The following RCAN2 variants were observed in gnomAD, a reference collection of about 807,000 sequenced individuals.
The protein encoded by RCAN2 is calcipressin-2.
Under a neutral mutation model 23.6 loss-of-function variants are expected in RCAN2, and 9 were observed. That is an observed-to-expected ratio of 0.38 (90% CI 0.23 to 0.67). RCAN2 has a LOEUF of 0.67. Ranked by LOEUF, RCAN2 falls within the 30% of genes least tolerant of loss-of-function variation. RCAN2 has a pLI of 0.51. For synonymous variants in RCAN2, 109 were observed against 115.7 expected, an observed-to-expected ratio of 0.94 and a Z score of 0.37; for missense variants, 273 against 302.3, an observed-to-expected ratio of 0.90 and a Z score of 0.72.
intron 2 of RCAN2, among the ~76,000 whole-genome samples, chr6:46,411,671 AAG>A (rs1243543748): frequency 1.3e-5 from 2 of 152,160 alleles, no homozygotes; most frequent in African/African-American, 2.4e-5. Flanking sequence ...GAACGAAAAA[AAG>A]AGAAATGTGA....
At chr6:46,337,842 G>T (rs552779326) in intron 2 of RCAN2, among the ~76,000 whole-genome samples, 4 of 152,152 alleles carry the variant, frequency 2.6e-5, no homozygotes, top group Non-Finnish European at 5.9e-5. Context: ...CCACAACAGG[G>T]ACACTTGGGT....
rs534067095 is a variant in RCAN2, at chr6:46,452,393, C to T, written c.225+4359G>A. The stretch of plus-strand genomic sequence containing the variant: ...CAAAAGTTCTTGTTTGTTTGTTTTT[C>T]TTGTTGCATTACATGTTCATGATAG... On this transcript the variant is annotated intron_variant, in intron 2 of 4. Transcript: ENST00000371374. Among the ~76,000 whole-genome samples the T allele has an allele frequency of 7.9e-5, 12 of 152,300 alleles. No individual in the cohort carries two copies. In the South Asian group the frequency reaches 1.4e-3, roughly 18 times the overall value.
At chr6:46,294,411 A>G (rs1004122302) in intron 2 of RCAN2, among the ~76,000 whole-genome samples, 9 of 152,148 alleles carry the variant, frequency 5.9e-5, no homozygotes, top group Admixed American at 5.2e-4. Flanking sequence ...AAAGTATATC[A>G]AAAAATTCAA....
chr6:46,475,916 C>G (rs2150444263), intron 1 of RCAN2, among the ~76,000 whole-genome samples: 1 of 152,306 alleles, frequency 6.6e-6, no homozygotes, highest in South Asian at 2.1e-4. Context: ...TCTTCTTTCT[C>G]TTTTCCAGTG....
chr6:46,317,488 G>GTC (rs1051722322), intron 2 of RCAN2, among the ~76,000 whole-genome samples: 7 of 152,106 alleles, frequency 4.6e-5, no homozygotes, highest in Admixed American at 1.3e-4. Flanking sequence ...TTGAGATGGA[G>GTC]TCTCTCTCTG....
At position 46,221,606 on chromosome 6, in the gene RCAN2, ACTTTAATTT is replaced by A. The variant is rs1350707173; in HGVS notation, c.*1526_*1534del. 7.9e-6 allele frequency: 2 copies of A among 252,698 alleles called. No homozygotes were observed. Among genetic ancestry groups the A allele is most frequent in the Non-Finnish European group, 1.5e-5 (2 of 134,050 alleles). 15.7% of individuals were successfully genotyped at this position (252,698 alleles called of 1,614,324 possible). A position where few individuals can be genotyped will look rare whatever the true frequency, so the allele number is the denominator to read the frequency against. ...TATTGCTATATTCACAGTAAAACGG[ACTTTAATTT>A]CTGAGTGATCAGTCTATGTTTTAAG... On this transcript the variant is annotated 3_prime_UTR_variant, in exon 5 of 5. Transcript: ENST00000371374.
At chr6:46,289,127 G>C (rs1368657224) in intron 2 of RCAN2, among the ~76,000 whole-genome samples, 1 of 152,200 alleles carries the variant, frequency 6.6e-6, no homozygotes, top group Non-Finnish European at 1.5e-5. Flanking sequence ...GTTTAACAGG[G>C]AGCACAGGGC....
At chr6:46,371,618 G>A (rs1030434512) in intron 2 of RCAN2, among the ~76,000 whole-genome samples, 5 of 152,254 alleles carry the variant, frequency 3.3e-5, no homozygotes, top group African/African-American at 1.2e-4. Context: ...GTTTGAACAT[G>A]TAGACTGTTT....
chr6:46,374,111 C>G (rs1191501000), intron 2 of RCAN2, among the ~76,000 whole-genome samples: 1 of 152,222 alleles, frequency 6.6e-6, no homozygotes, highest in Non-Finnish European at 1.5e-5. Context: ...ATCTTGATTT[C>G]TCCATGGTAT....
At chr6:46,452,101 A>G (rs538035512) in intron 2 of RCAN2, among the ~76,000 whole-genome samples, 2 of 152,294 alleles carry the variant, frequency 1.3e-5, no homozygotes, top group Admixed American at 1.3e-4. Context: ...TTTACCATTG[A>G]ATCCCCAGAA....
intron 2 of RCAN2, among the ~76,000 whole-genome samples, chr6:46,285,748 A>G (rs1338836990): frequency 6.6e-6 from 1 of 151,898 alleles, no homozygotes; most frequent in Non-Finnish European, 1.5e-5. Context: ...TTCTTGTCTA[A>G]TGTTACTGGA....
intron 2 of RCAN2, among the ~76,000 whole-genome samples, chr6:46,379,854 G>A (rs562701442): frequency 6.6e-5 from 10 of 152,236 alleles, no homozygotes; most frequent in African/African-American, 1.9e-4. Context: ...TCACTGTGTC[G>A]TTGGGATTTG....
At chr6:46,459,766 C>T (rs1768157596) in intron 1 of RCAN2, among the ~76,000 whole-genome samples, 1 of 152,010 alleles carries the variant, frequency 6.6e-6, no homozygotes. Context: ...TAAGGGGAGG[C>T]AGGGGAATGA....
At chr6:46,434,813 T>C (rs1047922404) in intron 2 of RCAN2, among the ~76,000 whole-genome samples, 1 of 152,158 alleles carries the variant, frequency 6.6e-6, no homozygotes, top group African/African-American at 2.4e-5. Flanking sequence ...TGGGTATTCA[T>C]GATGGGGAAT....
At chr6:46,273,484 C>G (rs983136940) in intron 2 of RCAN2, among the ~76,000 whole-genome samples, 9 of 152,142 alleles carry the variant, frequency 5.9e-5, no homozygotes, top group Middle Eastern at 3.2e-3. Context: ...GGAAACATTA[C>G]TATTACCACT....
chr6:46,249,559 AT>A (rs1766640208), intron 2 of RCAN2, among the ~76,000 whole-genome samples: 3 of 151,824 alleles, frequency 2.0e-5, no homozygotes, highest in Admixed American at 2.0e-4. Flanking sequence ...ACCTCAAGTG[AT>A]CCACCTGTCT....
intron 2 of RCAN2, among the ~76,000 whole-genome samples, chr6:46,394,521 A>G (rs1028120244): frequency 2.0e-5 from 3 of 152,194 alleles, no homozygotes; most frequent in Admixed American, 1.3e-4. Context: ...GCCCAGTCTT[A>G]ACTTATAAGT....
intron 2 of RCAN2, among the ~76,000 whole-genome samples, chr6:46,456,144 A>G (rs1768021429): frequency 6.6e-6 from 1 of 152,216 alleles, no homozygotes; most frequent in Admixed American, 6.5e-5. Flanking sequence ...ATGTTAATAC[A>G]TAGACAACCT....
intron 2 of RCAN2, among the ~76,000 whole-genome samples, chr6:46,294,785 T>C (rs1762666936): frequency 6.6e-6 from 1 of 152,160 alleles, no homozygotes; most frequent in African/African-American, 2.4e-5. Context: ...CGGTTATATA[T>C]TTGCTTTAAG....
Sources: allele counts gnomAD v4.1 joint callset (sites outside exome capture counted in the v4.1 genomes callset), GRCh38; gene constraint gnomAD v4.1.1; transcripts MANE v1.5; gene names NCBI Gene and HGNC (gene_info 2026-07-23, HGNC 2026-07-21).